The following ARPC2 variants were observed in gnomAD, a reference collection of about 807,000 sequenced individuals.
ARPC2 encodes the protein actin-related protein 2/3 complex subunit 2.
In ARPC2, 4 loss-of-function variants were observed where a neutral mutation model predicts 38.6. The ratio of observed to expected loss-of-function variants is 0.10; its 90% CI spans 0.05 to 0.24. ARPC2 has a LOEUF of 0.24. ARPC2 is among the 10% of genes least tolerant of loss of function. The pLI is 1.00. For missense variants in ARPC2, 229 were observed against 387.3 expected (o/e 0.59, Z 3.43); for synonymous variants, 125 against 140.8 (o/e 0.89, Z 0.79).
chr2:218,219,836 T>C (rs1297336758), intron 2 of ARPC2, among the ~76,000 whole-genome samples: 1 of 121,850 alleles, frequency 8.2e-6, no homozygotes, highest in East Asian at 2.9e-4. Context: ...ACTTTGAAAA[T>C]CTTTAAAAAA....
At chr2:218,232,331 G>A (rs985366487) in intron 4 of ARPC2, among the ~76,000 whole-genome samples, 14 of 152,102 alleles carry the variant, frequency 9.2e-5, no homozygotes, top group African/African-American at 1.9e-4. Flanking sequence ...AAGCAGTCAC[G>A]GTGACAGAGA....
chr2:218,217,791 G>A (rs1055170525), intron 2 of ARPC2, among the ~76,000 whole-genome samples: 2 of 152,230 alleles, frequency 1.3e-5, no homozygotes, highest in African/African-American at 4.8e-5. Flanking sequence ...CGTGCCAAAG[G>A]GCAGGAGACC....
intron 4 of ARPC2, among the ~76,000 whole-genome samples, chr2:218,229,515 C>G (rs536226566): frequency 9.8e-5 from 15 of 152,352 alleles, no homozygotes; most frequent in African/African-American, 3.6e-4. Flanking sequence ...GGAAATATGA[C>G]TCAGTTCCTG....
At chr2:218,222,349 A>T (rs12992937) in intron 2 of ARPC2, among the ~76,000 whole-genome samples, 60,247 of 152,020 alleles carry the variant, frequency 0.4, 12,578 homozygotes, top group Middle Eastern at 0.52. Flanking sequence ...AGAAAAGAAG[A>T]TGAGATAATA....
chr2:218,228,050 G>A (rs1574578941), intron 3 of ARPC2, among the ~76,000 whole-genome samples: 1 of 152,124 alleles, frequency 6.6e-6, no homozygotes, highest in African/African-American at 2.4e-5. Context: ...TCTGGGATTT[G>A]CTTCAAAATA....
At chr2:218,245,885 C>T (rs1690019007) in intron 8 of ARPC2, among the ~76,000 whole-genome samples, 1 of 152,086 alleles carries the variant, frequency 6.6e-6, no homozygotes, top group African/African-American at 2.4e-5. Context: ...TAGGAGACGT[C>T]CTTAGGTTGC....
chr2:218,236,367 A>G (rs1188506837), intron 5 of ARPC2: 2 of 152,128 alleles, frequency 1.3e-5, no homozygotes, highest in African/African-American at 4.8e-5. Flanking sequence ...TTGGTTTTCA[A>G]GTACCCAAAA....
chr2:218,250,579 G>C (rs1690162418), intron 10 of ARPC2, among the ~76,000 whole-genome samples: 2 of 151,480 alleles, frequency 1.3e-5, no homozygotes, highest in African/African-American at 4.8e-5. Flanking sequence ...GCAGAGAATT[G>C]CTTGAGCCCA....
At chr2:218,239,141 G>A in intron 6 of ARPC2, 1 of 569,866 alleles carries the variant, frequency 1.8e-6, no homozygotes, top group South Asian at 2.3e-5. Flanking sequence ...CAGGCAGGGT[G>A]ACCATAGGTC....
chr2:218,227,109 T>TC, intron 3 of ARPC2: 1 of 445,622 alleles, frequency 2.2e-6, no homozygotes, highest in Non-Finnish European at 4.6e-6. Context: ...CCAGGCACCA[T>TC]CCCTTTACCC....
rs1803064 is a variant in ARPC2, at chr2:218,253,911, G to T, written c.899G>T (p.Arg300Leu). 6.2e-7 allele frequency: 1 copy of T among 1,613,856 alleles called. No homozygotes were observed. Among genetic ancestry groups the T allele is most frequent in the Non-Finnish European group, 8.5e-7 (1 of 1,179,944 alleles). Residue 300 changes from arginine (R) to leucine (L), a missense_variant, in exon 11 of 11, where the codon CGC (arginine) becomes CTC (leucine). Physicochemically the swap from Arg to Leu is moderately radical, Grantham distance 102. Transcript: ENST00000315717. ...KTITGKTFSS[R>L] ...TGAAGGGGGAAGACGTTTTCATCCC[G>T]CTAATCTTGGGAATAAGAGGAGGAA...
Position 218,217,243 on chromosome 2 carries a change from T to G in ARPC2, c.-20T>G. The G allele has an allele frequency of 6.8e-6, 3 of 443,802 alleles. No individual in the cohort carries two copies. Among genetic ancestry groups the G allele is most frequent in the Non-Finnish European group, 1.2e-5 (3 of 254,550 alleles). 27.5% of individuals were successfully genotyped at this position (443,802 alleles called of 1,614,324 possible). ...GGCGGCTCGGCAGGCGGGTTCAGGC[T>G]TCGGGGGCCAGGTCGGTTGGGTGGG... On this transcript the variant is annotated 5_prime_UTR_variant, in exon 1 of 11. Transcript: ENST00000315717.
At chr2:218,218,566 C>T (rs1431900794) in intron 2 of ARPC2, among the ~76,000 whole-genome samples, 4 of 152,242 alleles carry the variant, frequency 2.6e-5, no homozygotes, top group African/African-American at 9.6e-5. Context: ...CCTCATTTCC[C>T]TATGTATGAG....
rs1012352198 is a variant in ARPC2, at chr2:218,241,134, C to T, written c.549+1650C>T. 4.3e-4 allele frequency among the ~76,000 whole-genome samples: 65 copies of T among 152,144 alleles called. 2 individuals are homozygous for T. The highest frequency in any genetic ancestry group is 1.5e-4 in the Non-Finnish European group (10 of 68,024). ...TTACTACCTTCATTCTGTTCCTTGGCAGGGTGGTAAAGATTTTTAAATTCT... is the reference window on the plus strand; with the variant it reads ...TTACTACCTTCATTCTGTTCCTTGGTAGGGTGGTAAAGATTTTTAAATTCT... On this transcript the variant is annotated intron_variant, in intron 7 of 10. Coordinates refer to ENST00000315717, the MANE Select transcript of ARPC2 (RefSeq NM_152862.3).
intron 6 of ARPC2, chr2:218,239,052 G>T: frequency 1.8e-6 from 1 of 567,948 alleles, no homozygotes; most frequent in South Asian, 2.4e-5. Context: ...GCTGACAGAT[G>T]GTGGAAAGAG....
rs186749478 is a variant in ARPC2, at chr2:218,253,546, G to A, written c.879-345G>A. ...GAGCTGACAAATGAGGTAGTACTAA[G>A]AAGACGGTTTGAGCCTAGTCGGAAA... is the stretch of plus-strand genomic sequence containing the variant. On this transcript the variant is annotated intron_variant, in intron 10 of 10. Coordinates refer to ENST00000315717, the MANE Select transcript of ARPC2 (RefSeq NM_152862.3). Among the ~76,000 whole-genome samples, 13 of 152,338 alleles carry A rather than the reference G, an allele frequency of 8.5e-5. No homozygotes were observed. In the East Asian group the frequency reaches 2.5e-3, roughly 29 times the overall value.
intron 2 of ARPC2, among the ~76,000 whole-genome samples, chr2:218,218,024 C>A (rs1162860891): frequency 1.3e-5 from 2 of 152,192 alleles, no homozygotes; most frequent in African/African-American, 2.4e-5. Context: ...TCGTTCCCCA[C>A]CCCCATCTCC....
chr2:218,224,683 C>G (rs1000491197), intron 2 of ARPC2, among the ~76,000 whole-genome samples: 2 of 69,044 alleles, frequency 2.9e-5, no homozygotes, highest in African/African-American at 7.4e-5. Flanking sequence ...ACCCAGTGCG[C>G]TTTTCCTAAG....
Position 218,238,806 on chromosome 2 carries a change from A to G in ARPC2, c.411A>G (p.Glu137=), listed in dbSNP as rs1689838195. 1.2e-6 allele frequency: 2 copies of G among 1,614,016 alleles called. No homozygotes were observed. The highest frequency in any genetic ancestry group is 1.7e-6 in the Non-Finnish European group (2 of 1,179,966). ...TCCAATTCCAAGAAGAGGGCAAGGA[A>G]GGAGAGAACAGGGCAGTTATCCATT... ...KYFQFQEEGK[E]GENRAVIHYR... is the part of the protein sequence containing the mutation. Residue 137 remains glutamate (E), a synonymous_variant, in exon 6 of 11, where the codon GAA becomes GAG. Transcript: ENST00000315717.
Sources: allele counts gnomAD v4.1 joint callset (sites outside exome capture counted in the v4.1 genomes callset), GRCh38; gene constraint gnomAD v4.1.1; transcripts MANE v1.5; gene names NCBI Gene and HGNC (gene_info 2026-07-23, HGNC 2026-07-21).